The following ZNF711 variants were observed in gnomAD, a reference collection of about 807,000 sequenced individuals.
The protein encoded by ZNF711 is ZFX family zinc finger ZNF711, also known as zinc finger protein 711.
ZNF711 carries 3 observed loss-of-function variants against 43.5 expected under a neutral mutation model. The observed-to-expected ratio is 0.07, with a 90% confidence interval of 0.03 to 0.18. The LOEUF (loss-of-function observed/expected upper bound fraction) is 0.18. Among genes scored for constraint, ZNF711 ranks in the 10% least tolerant of loss-of-function variants. The probability of loss-of-function intolerance (pLI) is 1.00; values close to 1 mark genes in which losing one functional copy is unlikely to be tolerated. For missense variants in ZNF711, 412 were observed against 604.0 expected (o/e 0.68, Z 3.33); for synonymous variants, 209 against 207.7 (o/e 1.01, Z -0.06).
At position 85,248,831 on chromosome X, in the gene ZNF711, G is replaced by A. The variant is rs763481651; in HGVS notation, c.79+1180G>A. Reference sequence around the variant, plus strand: ...AGTTAAGAAAATGCTACTATTGTTCGTTGATAATATGGTTGAATGTATCAT... The same window carrying A: ...AGTTAAGAAAATGCTACTATTGTTCATTGATAATATGGTTGAATGTATCAT... On this transcript the variant is annotated intron_variant, in intron 4 of 10. Transcript: ENST00000674551. 1.2e-4 allele frequency among the ~76,000 whole-genome samples: 13 copies of A among 112,057 alleles called. No homozygotes were observed. The South Asian group carries it at 2.2e-3, about 19-fold the overall frequency.
intron 9 of ZNF711, among the ~76,000 whole-genome samples, chrX:85,269,223 C>T (rs1931348169): frequency 9.0e-6 from 1 of 111,063 alleles, no homozygotes; most frequent in African/African-American, 3.3e-5. Context: ...CACTTAGTCA[C>T]CATAACTATA....
intron 6 of ZNF711, among the ~76,000 whole-genome samples, chrX:85,264,852 G>A (rs913481010): frequency 9.1e-6 from 1 of 110,401 alleles, no homozygotes; most frequent in African/African-American, 3.3e-5. Context: ...TACCTATAGG[G>A]CTGTTGTGAG....
chrX:85,251,477 G>A (rs779209267), intron 4 of ZNF711, among the ~76,000 whole-genome samples: 14 of 111,036 alleles, frequency 1.3e-4, no homozygotes, highest in Non-Finnish European at 2.5e-4. Context: ...GACCTGACAC[G>A]TAACAGATTT....
chrX:85,256,098 T>C (rs753013414), intron 5 of ZNF711, among the ~76,000 whole-genome samples: 11 of 111,707 alleles, frequency 9.8e-5, no homozygotes, highest in African/African-American at 2.9e-4. Context: ...ATGATAAATA[T>C]ATATATTTCA....
chrX:85,250,870 A>G (rs1162548314), intron 4 of ZNF711, among the ~76,000 whole-genome samples: 1 of 111,212 alleles, frequency 9.0e-6, no homozygotes, highest in Non-Finnish European at 1.9e-5. Context: ...TTTCATTTAT[A>G]GGCATTTTCA....
chrX:85,248,338 G>A (rs924552704), intron 4 of ZNF711, among the ~76,000 whole-genome samples: 1 of 108,182 alleles, frequency 9.2e-6, no homozygotes, highest in Non-Finnish European at 1.9e-5. Context: ...GCGTGGTGGA[G>A]CACGCCTGTA....
Position 85,255,281 on chromosome X carries a change from A to C in ZNF711, c.102A>C (p.Ala34=). The C allele has an allele frequency of 1.7e-6, 2 of 1,211,528 alleles. No individual in the cohort carries two copies. Among genetic ancestry groups the C allele is most frequent in the Non-Finnish European group, 2.2e-6 (2 of 895,252 alleles). The change falls in exon 5 of 11, where the codon GCA becomes GCC. Residue 34 remains alanine, a synonymous_variant. Coordinates refer to ENST00000674551, the MANE Select transcript of ZNF711 (RefSeq NM_001330574.2). ...QDFVAGMAGT[A]HIDGDHIVVS... ...TAGTGGCTGGAATGGCTGGTACTGC[A>C]CATATCGATGGAGACCATATTGTTG...
intron 5 of ZNF711, among the ~76,000 whole-genome samples, chrX:85,258,746 T>G (rs1031481427): frequency 5.4e-5 from 6 of 110,180 alleles, no homozygotes; most frequent in Admixed American, 9.7e-5. Context: ...TTCCCCGTTT[T>G]TATTGGAGTT....
intron 8 of ZNF711, among the ~76,000 whole-genome samples, chrX:85,267,903 G>C (rs1350720720): frequency 9.0e-6 from 1 of 110,992 alleles, no homozygotes; most frequent in Non-Finnish European, 1.9e-5. Context: ...TAACGTACAA[G>C]ATGGTCCAGG....
intron 5 of ZNF711, among the ~76,000 whole-genome samples, chrX:85,261,973 G>T (rs1930688475): frequency 9.0e-6 from 1 of 110,752 alleles, no homozygotes; most frequent in Non-Finnish European, 1.9e-5. Context: ...CCATAACGAA[G>T]GATATAGAAT....
intron 5 of ZNF711, among the ~76,000 whole-genome samples, chrX:85,261,460 A>G (rs1930640362): frequency 9.0e-6 from 1 of 111,072 alleles, no homozygotes; most frequent in African/African-American, 3.3e-5. Context: ...TTTTCACTCT[A>G]TTGTGAAATA....
chrX:85,266,050 A>C (rs1190929137), intron 7 of ZNF711, among the ~76,000 whole-genome samples: 7 of 111,470 alleles, frequency 6.3e-5, no homozygotes. Flanking sequence ...ACCTCAGTAT[A>C]GGAATGCAGC....
At chrX:85,251,531 G>C (rs772476187) in intron 4 of ZNF711, among the ~76,000 whole-genome samples, 1 of 111,035 alleles carries the variant, frequency 9.0e-6, no homozygotes, top group Non-Finnish European at 1.9e-5. Context: ...ATATTTAAAT[G>C]GAATAACTTT....
chrX:85,271,058 G>A lies in ZNF711; in HGVS notation c.1654G>A (p.Val552Ile). 8.3e-7 allele frequency: 1 copy of A among 1,211,132 alleles called. No individual in the cohort carries two copies. The highest frequency in any genetic ancestry group is 1.8e-5 in the South Asian group (1 of 56,983). The change falls in exon 11 of 11, where the codon GTT becomes ATT. Residue 552 changes from valine (V) to isoleucine (I), a missense_variant. Around this residue, in one of 4 missense-constraint regions of ZNF711, gnomAD observed 375 missense variants for 514.2 expected, o/e 0.73. Coordinates refer to ENST00000674551, the MANE Select transcript of ZNF711 (RefSeq NM_001330574.2). Reference sequence around the variant, plus strand: ...CGTTCACAGCAAGAATTTTCCTCATGTTTGTGTTGAGTGTGGGAAGGGTTT... The same window carrying A: ...CGTTCACAGCAAGAATTTTCCTCATATTTGTGTTGAGTGTGGGAAGGGTTT... ...LAVHSKNFPH[V>I]CVECGKGFRH...
intron 4 of ZNF711, among the ~76,000 whole-genome samples, chrX:85,253,718 C>T (rs1163961917): frequency 9.2e-6 from 1 of 108,941 alleles, no homozygotes; most frequent in South Asian, 4.0e-4. Flanking sequence ...AATGAAGATG[C>T]AGAGCTGTTC....
intron 1 of ZNF711, among the ~76,000 whole-genome samples, chrX:85,244,446 C>A (rs1470204906): frequency 1.8e-5 from 2 of 111,389 alleles, no homozygotes; most frequent in Non-Finnish European, 3.8e-5. Context: ...AGGCCAGAGC[C>A]CCAGGGAGCT....
chrX:85,247,506 C>T (rs1030818837), intron 3 of ZNF711, 41 bp from the exon 4 acceptor site: 18 of 969,833 alleles, frequency 1.9e-5, no homozygotes, highest in Admixed American at 5.1e-5. Context: ...TAACTTTGGA[C>T]TAAATATATT....
rs753221892 is a variant in ZNF711 at position 85,268,268 on chromosome X, C to CTTT, written c.1055-5_1055-3dup. On this transcript the variant is annotated intron_variant, in intron 8 of 10. Transcript: ENST00000674551. ...ATTAGCATATCAGTTTGTAATTGGT[C>CTTT]TTTTTTTTTTTTTTTTTTTTTTTAG... 7.6e-3 allele frequency: 6,821 copies of CTTT among 902,145 alleles called. 262 individuals are homozygous for CTTT. The African/African-American group carries it at 0.1, about 14-fold the overall frequency. 74.3% of individuals were successfully genotyped at this position (902,145 alleles called of 1,213,427 possible). A position where few individuals can be genotyped will look rare whatever the true frequency, so the allele number is the denominator to read the frequency against.
rs910732064 is a variant in ZNF711, at chrX:85,264,217, T to C, written c.623-58T>C. On this transcript the variant is annotated intron_variant, in intron 5 of 10. Coordinates refer to ENST00000674551, the MANE Select transcript of ZNF711 (RefSeq NM_001330574.2). Reference sequence around the variant, plus strand: ...CTAAATAGTGGTAATTTTTCTTGTTTTGTTGTTTTTTGTCAATGGTATTTT... The same window carrying C: ...CTAAATAGTGGTAATTTTTCTTGTTCTGTTGTTTTTTGTCAATGGTATTTT... The C allele has an allele frequency of 1.0e-4, 101 of 1,000,279 alleles. 1 individual carries two copies. In the Admixed American group the frequency reaches 2.3e-3, roughly 22 times the overall value. 82.4% of individuals were successfully genotyped at this position (1,000,279 alleles called of 1,213,427 possible).
Sources: allele counts gnomAD v4.1 joint callset (sites outside exome capture counted in the v4.1 genomes callset), GRCh38; gene constraint gnomAD v4.1.1; regional missense constraint gnomAD v4.1.1; transcripts MANE v1.5; gene names NCBI Gene and HGNC (gene_info 2026-07-23, HGNC 2026-07-21).